Variants in STPG4 observed in about 807,000 individuals in gnomAD.
STPG4 encodes sperm-tail PG-rich repeat containing 4, also known as protein STPG4.
Under a neutral mutation model 31.5 loss-of-function variants are expected in STPG4, and 41 were observed. The ratio of observed to expected loss-of-function variants is 1.30; its 90% CI spans 1.01 to 1.69. The LOEUF (loss-of-function observed/expected upper bound fraction) is 1.69, where lower values mean the gene tolerates loss of function less well. Ranked by LOEUF, STPG4 falls within the 40% of genes most tolerant of loss-of-function variation. STPG4 has a pLI of 0.00. For synonymous variants in STPG4, 141 were observed against 103.0 expected (o/e 1.37, Z -2.24); for missense variants, 375 against 293.4 (o/e 1.28, Z -2.03).
At chr2:47,130,373 C>A (rs1472816693) in intron 3 of STPG4, 113 bp from the exon 4 acceptor site, 2 of 829,126 alleles carry the variant, frequency 2.4e-6, no homozygotes, top group Non-Finnish European at 3.9e-6. Flanking sequence ...ATAATTCCTT[C>A]TTTACTTTAA....
At chr2:47,125,733 T>TTG (rs1399722413) in intron 5 of STPG4, among the ~76,000 whole-genome samples, 1 of 151,884 alleles carries the variant, frequency 6.6e-6, no homozygotes. Flanking sequence ...AATTTTTTTT[T>TTG]TTTTAACTAG....
At chr2:47,144,199 G>C (rs1686770260) in intron 3 of STPG4, among the ~76,000 whole-genome samples, 1 of 152,156 alleles carries the variant, frequency 6.6e-6, no homozygotes, top group African/African-American at 2.4e-5. Flanking sequence ...AAATGGTAAT[G>C]GACTTCTACT....
chr2:47,137,677 C>G (rs1686622776), intron 3 of STPG4, among the ~76,000 whole-genome samples: 1 of 152,162 alleles, frequency 6.6e-6, no homozygotes, highest in Admixed American at 6.5e-5. Flanking sequence ...TATTCAGACT[C>G]TATTTCTTTT....
chr2:47,093,341 T>C (rs1685608486), intron 5 of STPG4, among the ~76,000 whole-genome samples: 1 of 152,154 alleles, frequency 6.6e-6, no homozygotes, highest in Admixed American at 6.5e-5. Flanking sequence ...AGGCTCTCTG[T>C]GTGGTGTGAA....
intron 3 of STPG4, among the ~76,000 whole-genome samples, chr2:47,136,354 G>T (rs1686596795): frequency 6.6e-6 from 1 of 151,934 alleles, no homozygotes; most frequent in Non-Finnish European, 1.5e-5. Context: ...CACTATGTTG[G>T]CCAGGCTGGT....
chr2:47,126,108 T>G (rs768202104), intron 5 of STPG4, among the ~76,000 whole-genome samples: 1 of 152,218 alleles, frequency 6.6e-6, no homozygotes, highest in Non-Finnish European at 1.5e-5. Flanking sequence ...ACTACCATAC[T>G]GTTTTTGCTA....
At chr2:47,106,672 G>A (rs1308977603) in intron 5 of STPG4, among the ~76,000 whole-genome samples, 1 of 151,848 alleles carries the variant, frequency 6.6e-6, no homozygotes, top group Non-Finnish European at 1.5e-5. Context: ...GATAGTATGA[G>A]ATACCGCCCG....
At chr2:47,141,496 G>A (rs1254243903) in intron 3 of STPG4, among the ~76,000 whole-genome samples, 1 of 151,016 alleles carries the variant, frequency 6.6e-6, no homozygotes, top group African/African-American at 2.4e-5. Context: ...CCACACTCTT[G>A]ACATATTTTA....
intron 5 of STPG4, among the ~76,000 whole-genome samples, chr2:47,100,987 G>A (rs1031677539): frequency 4.0e-5 from 6 of 151,836 alleles, no homozygotes; most frequent in Admixed American, 6.6e-5. Context: ...ACATTTTGGC[G>A]ACCCAGATGG....
At chr2:47,109,376 G>A (rs1685991211) in intron 5 of STPG4, among the ~76,000 whole-genome samples, 1 of 152,112 alleles carries the variant, frequency 6.6e-6, no homozygotes, top group Admixed American at 6.5e-5. Flanking sequence ...GGCCAACATG[G>A]TGAAACCCCA....
chr2:47,087,687 G>A (rs952193023), intron 6 of STPG4, among the ~76,000 whole-genome samples: 5 of 152,178 alleles, frequency 3.3e-5, no homozygotes, highest in Non-Finnish European at 1.5e-5. Flanking sequence ...AGGGATCCAC[G>A]AGTTCTAATT....
chr2:47,118,441 A>C (rs186517590), intron 5 of STPG4, among the ~76,000 whole-genome samples: 3 of 152,236 alleles, frequency 2.0e-5, no homozygotes, highest in African/African-American at 7.2e-5. Context: ...GGTGAGTTGT[A>C]TAATTATTTC....
chr2:47,151,023 A>G (rs1417074893), intron 3 of STPG4, among the ~76,000 whole-genome samples: 2 of 152,108 alleles, frequency 1.3e-5, no homozygotes, highest in Admixed American at 6.6e-5. Context: ...GAGTTGCCCA[A>G]GAGGAAAACA....
intron 5 of STPG4, among the ~76,000 whole-genome samples, chr2:47,122,722 T>C (rs1380555530): frequency 2.0e-5 from 3 of 152,218 alleles, no homozygotes; most frequent in African/African-American, 4.8e-5. Flanking sequence ...TGCGGTCTTT[T>C]TTGATCCTGA....
intron 5 of STPG4, among the ~76,000 whole-genome samples, chr2:47,120,142 G>A (rs187894925): frequency 7.1e-4 from 108 of 152,160 alleles, no homozygotes; most frequent in African/African-American, 2.4e-3. Flanking sequence ...ATCAGCTTGG[G>A]CAATATGTTG....
intron 5 of STPG4, among the ~76,000 whole-genome samples, chr2:47,123,438 C>G (rs1686311739): frequency 6.6e-6 from 1 of 152,046 alleles, no homozygotes; most frequent in Admixed American, 6.6e-5. Context: ...CCTTCATAAG[C>G]TTACGTTCTA....
intron 5 of STPG4, among the ~76,000 whole-genome samples, chr2:47,099,258 A>G (rs57585460): frequency 0.015 from 2,338 of 152,238 alleles, 75 homozygotes; most frequent in African/African-American, 0.053. Context: ...GCAGAAGGCA[A>G]CCCACAATGG....
intron 5 of STPG4, among the ~76,000 whole-genome samples, chr2:47,100,890 G>A (rs12999470): frequency 0.017 from 2,590 of 151,778 alleles, 46 homozygotes; most frequent in Middle Eastern, 0.024. Flanking sequence ...CTCCAGACGC[G>A]CCACCTTAAG....
chr2:47,112,988 T>C (rs1686072918), intron 5 of STPG4, among the ~76,000 whole-genome samples: 1 of 13,968 alleles, frequency 7.2e-5, no homozygotes, highest in African/African-American at 4.2e-4. Flanking sequence ...CAAGACTATC[T>C]CAAAAAAAAA....
Sources: gnomAD v4.1 joint callset for allele counts (sites outside exome capture counted in the v4.1 genomes callset) on GRCh38, gnomAD v4.1.1 for gene constraint, MANE v1.5 for transcripts, NCBI Gene and HGNC (gene_info 2026-07-23, HGNC 2026-07-21) for gene names.